TGFA: variants seen among roughly 807,000 people sequenced by gnomAD.
TGFA encodes protransforming growth factor alpha.
Under a neutral mutation model 21.7 loss-of-function variants are expected in TGFA, and 12 were observed. That is an observed-to-expected ratio of 0.55 (90% CI 0.35 to 0.90). The LOEUF is 0.90. TGFA is among the 40% of genes least tolerant of loss of function. TGFA has a pLI of 0.01. For synonymous variants in TGFA, 79 were observed against 88.1 expected, an observed-to-expected ratio of 0.90 and a Z score of 0.58; for missense variants, 178 against 210.8, an observed-to-expected ratio of 0.84 and a Z score of 0.96.
At chr2:70,518,554 G>A (rs1672356248) in intron 1 of TGFA, among the ~76,000 whole-genome samples, 1 of 152,196 alleles carries the variant, frequency 6.6e-6, no homozygotes, top group Non-Finnish European at 1.5e-5. Context: ...ATGTGCTGAT[G>A]TGTCAATGGG....
intron 2 of TGFA, among the ~76,000 whole-genome samples, chr2:70,484,327 C>G (rs1464587200): frequency 6.6e-6 from 1 of 152,216 alleles, no homozygotes; most frequent in South Asian, 2.1e-4. Context: ...AAACCACATT[C>G]TATCCTTATG....
intron 2 of TGFA, among the ~76,000 whole-genome samples, chr2:70,492,568 T>C (rs1020185369): frequency 6.6e-6 from 1 of 152,280 alleles, no homozygotes; most frequent in Non-Finnish European, 1.5e-5. Context: ...ACCAGGGCCA[T>C]TCCAGAGCGC....
At chr2:70,467,202 T>G (rs1371306277) in intron 2 of TGFA, among the ~76,000 whole-genome samples, 1 of 152,150 alleles carries the variant, frequency 6.6e-6, no homozygotes, top group Non-Finnish European at 1.5e-5. Context: ...TTAAAAAAAT[T>G]AAATAATTTT....
intron 2 of TGFA, among the ~76,000 whole-genome samples, chr2:70,473,279 G>C (rs956552538): frequency 6.6e-6 from 1 of 152,158 alleles, no homozygotes; most frequent in Non-Finnish European, 1.5e-5. Flanking sequence ...GCTTACACTC[G>C]GGTGGCAGAA....
intron 1 of TGFA, among the ~76,000 whole-genome samples, chr2:70,520,918 G>C (rs1219151077): frequency 6.6e-6 from 1 of 151,966 alleles, no homozygotes; most frequent in Non-Finnish European, 1.5e-5. Context: ...GGCAGTCATT[G>C]TCAGCCCTTC....
At chr2:70,550,776 G>A (rs1673476682) in intron 1 of TGFA, among the ~76,000 whole-genome samples, 1 of 152,196 alleles carries the variant, frequency 6.6e-6, no homozygotes, top group Non-Finnish European at 1.5e-5. Flanking sequence ...AGCCGAGATC[G>A]CGCCACTGCA....
intron 4 of TGFA, among the ~76,000 whole-genome samples, chr2:70,453,813 C>A (rs929573740): frequency 5.3e-5 from 8 of 151,988 alleles, no homozygotes; most frequent in Non-Finnish European, 1.2e-4. Flanking sequence ...TGAATTGACC[C>A]ATGGAAAAAA....
chr2:70,524,555 C>T (rs1672577811), intron 1 of TGFA, among the ~76,000 whole-genome samples: 1 of 152,264 alleles, frequency 6.6e-6, no homozygotes, highest in Non-Finnish European at 1.5e-5. Context: ...CCAACAGGCT[C>T]TACCAGGGCC....
At chr2:70,534,331 TAAAGTA>T (rs1293101382) in intron 1 of TGFA, among the ~76,000 whole-genome samples, 1 of 152,116 alleles carries the variant, frequency 6.6e-6, no homozygotes, top group East Asian at 1.9e-4. Context: ...CTAAAAGTGT[TAAAGTA>T]AAAGTGTTAA....
At chr2:70,469,413 C>T (rs189914902) in intron 2 of TGFA, among the ~76,000 whole-genome samples, 2 of 152,264 alleles carry the variant, frequency 1.3e-5, no homozygotes, top group East Asian at 3.9e-4. Context: ...TGGCTCACTG[C>T]AGCCTTGACC....
chr2:70,481,225 T>C (rs765871), intron 2 of TGFA, among the ~76,000 whole-genome samples: 70,742 of 151,994 alleles, frequency 0.47, 16,647 homozygotes, highest in East Asian at 0.58. Flanking sequence ...GGGTTCTGCA[T>C]ATGGTGTCCC....
chr2:70,462,650 GA>G (rs1434818152), intron 3 of TGFA, among the ~76,000 whole-genome samples: 2 of 152,190 alleles, frequency 1.3e-5, no homozygotes, highest in African/African-American at 4.8e-5. Context: ...ATGGAAATGT[GA>G]AATCTCCCTT....
intron 1 of TGFA, among the ~76,000 whole-genome samples, chr2:70,521,507 G>T (rs554920501): frequency 6.6e-6 from 1 of 151,670 alleles, no homozygotes; most frequent in East Asian, 1.9e-4. Flanking sequence ...GTTGTTTAGA[G>T]ATTAAACGAG....
At chr2:70,456,756 G>C (rs1553490646) in intron 3 of TGFA, among the ~76,000 whole-genome samples, 2 of 152,248 alleles carry the variant, frequency 1.3e-5, no homozygotes, top group Non-Finnish European at 2.9e-5. Flanking sequence ...CATGACTATT[G>C]TGACTGTGCC....
chr2:70,501,471 T>C lies in TGFA; in HGVS notation c.94+13388A>G, dbSNP rs559645833. The stretch of plus-strand genomic sequence containing the variant: ...ATCTCTGATGCCCAGTACAGCCCTC[T>C]GCAGTAAGCCCTCCTGCTCACTCAC... On this transcript the variant is annotated intron_variant, in intron 2 of 5. Transcript: ENST00000295400. Among the ~76,000 whole-genome samples the C allele has an allele frequency of 2.6e-5, 4 of 152,220 alleles. No homozygotes were observed. In the South Asian group the frequency reaches 8.3e-4, roughly 32 times the overall value.
At chr2:70,459,205 G>A (rs1020621976) in intron 3 of TGFA, among the ~76,000 whole-genome samples, 8 of 152,232 alleles carry the variant, frequency 5.3e-5, no homozygotes, top group South Asian at 2.1e-4. Context: ...AAAACACTGC[G>A]ATTTAACACA....
Position 70,521,609 on chromosome 2 carries a change from G to GTTTTTTTTTTTT in TGFA, c.41-6698_41-6697insAAAAAAAAAAAA, listed in dbSNP as rs797022948. Among the ~76,000 whole-genome samples, 157 of 78,794 alleles carry GTTTTTTTTTTTT rather than the reference G, an allele frequency of 2.0e-3. 18 individuals are homozygous for GTTTTTTTTTTTT. Among genetic ancestry groups the GTTTTTTTTTTTT allele is most frequent in the Admixed American group, 5.3e-3 (30 of 5,610 alleles). The allele number at this position is 78,794 out of a possible 152,430, so 51.7% of individuals were successfully genotyped here. A position where few individuals can be genotyped will look rare whatever the true frequency, so the allele number is the denominator to read the frequency against. ...ACTATTGATAGTTTTTTTTGTTGTTGTTTGTTTGTTTTTTTTTTTTTTTTT... is the reference window on the plus strand; with the variant it reads ...ACTATTGATAGTTTTTTTTGTTGTTGTTTTTTTTTTTTTTTGTTTGTTTTTTTTTTTTTTTTT... On this transcript the variant is annotated intron_variant, in intron 1 of 5. Coordinates refer to ENST00000295400, the MANE Select transcript of TGFA (RefSeq NM_003236.4).
intron 2 of TGFA, among the ~76,000 whole-genome samples, chr2:70,495,469 G>A (rs1671548450): frequency 6.6e-6 from 1 of 152,146 alleles, no homozygotes; most frequent in Non-Finnish European, 1.5e-5. Flanking sequence ...AACTAGAACT[G>A]CCTTGGGTTT....
At chr2:70,496,880 G>A (rs562795068) in intron 2 of TGFA, among the ~76,000 whole-genome samples, 16 of 152,260 alleles carry the variant, frequency 1.1e-4, no homozygotes, top group African/African-American at 3.4e-4. Context: ...ATAAACAAAC[G>A]AAATCATTAT....
Sources: gnomAD v4.1 joint callset for allele counts (sites outside exome capture counted in the v4.1 genomes callset) on GRCh38, gnomAD v4.1.1 for gene constraint, MANE v1.5 for transcripts, NCBI Gene and HGNC (gene_info 2026-07-23, HGNC 2026-07-21) for gene names.